The following SLC35F3 variants were observed in gnomAD, a reference collection of about 807,000 sequenced individuals.
SLC35F3 encodes solute carrier family 35 member F3, also known as putative thiamine transporter SLC35F3.
A neutral mutation model predicts 49.9 loss-of-function variants in SLC35F3; 25 were observed. The ratio of observed to expected loss-of-function variants is 0.50; its 90% CI spans 0.37 to 0.70. The LOEUF is 0.70. Among genes scored for constraint, SLC35F3 ranks in the 30% least tolerant of loss-of-function variants. SLC35F3 has a pLI of 0.00. For missense variants in SLC35F3, 525 were observed against 639.8 expected (o/e 0.82, Z 1.94); for synonymous variants, 275 against 265.4 (o/e 1.04, Z -0.35).
At chr1:234,163,391 G>T (rs972367138) in intron 2 of SLC35F3, among the ~76,000 whole-genome samples, 15 of 152,198 alleles carry the variant, frequency 9.9e-5, no homozygotes, top group South Asian at 2.1e-4. Flanking sequence ...GTTACACACA[G>T]AATGGGACAG....
chr1:234,143,308 G>A (rs1665949335), intron 2 of SLC35F3, among the ~76,000 whole-genome samples: 1 of 89,038 alleles, frequency 1.1e-5, no homozygotes, highest in Non-Finnish European at 2.0e-5. Context: ...TTTTTTTTGA[G>A]ATAAAGGCTC....
Position 234,046,743 on chromosome 1 carries a change from A to C in SLC35F3, c.283+140985A>C, listed in dbSNP as rs1405803673. ...ATTTCCTTTATGCATTTAGTTATTT[A>C]ATCCCTGAAATTTGTCTGTAATGAT... On this transcript the variant is annotated intron_variant, in intron 2 of 7. Transcript: ENST00000366618. The surrounding 1 kb of genome is among the most constrained non-coding windows in gnomAD (Gnocchi z 4.4). Among the ~76,000 whole-genome samples the C allele has an allele frequency of 2.0e-5, 3 of 152,186 alleles. No individual in the cohort carries two copies. Among genetic ancestry groups the C allele is most frequent in the African/African-American group, 7.2e-5 (3 of 41,454 alleles).
rs187290569 is a variant in SLC35F3, at chr1:233,951,180, G to A, written c.283+45422G>A. ...ATAGAGTCATGCACCATGTAACAATGTTTTGTTCCATGATGGACTGCATAT... is the reference window on the plus strand; with the variant it reads ...ATAGAGTCATGCACCATGTAACAATATTTTGTTCCATGATGGACTGCATAT... On this transcript the variant is annotated intron_variant, in intron 2 of 7. Transcript: ENST00000366618. Among the ~76,000 whole-genome samples, 301 of 151,482 alleles carry A rather than the reference G, an allele frequency of 2.0e-3. 3 individuals carry two copies. Among genetic ancestry groups the A allele is most frequent in the African/African-American group, 6.7e-3 (273 of 40,918 alleles).
intron 2 of SLC35F3, among the ~76,000 whole-genome samples, chr1:233,931,990 G>T (rs1278623140): frequency 6.6e-6 from 1 of 152,196 alleles, no homozygotes; most frequent in African/African-American, 2.4e-5. Context: ...CATGTCCTTT[G>T]CAGGGATATG....
intron 2 of SLC35F3, among the ~76,000 whole-genome samples, chr1:234,184,617 G>A (rs1481852529): frequency 6.6e-6 from 1 of 152,188 alleles, no homozygotes; most frequent in African/African-American, 2.4e-5. Flanking sequence ...GCCAGAGCAG[G>A]TGGGAGGAGT....
intron 2 of SLC35F3, among the ~76,000 whole-genome samples, chr1:233,926,129 A>C (rs1258554185): frequency 6.6e-6 from 1 of 152,026 alleles, no homozygotes; most frequent in Non-Finnish European, 1.5e-5. Context: ...GCTCTTCTCG[A>C]GGAGTATCTT....
intron 2 of SLC35F3, among the ~76,000 whole-genome samples, chr1:234,209,649 G>A (rs370759885): frequency 1.3e-5 from 2 of 152,210 alleles, no homozygotes; most frequent in South Asian, 2.1e-4. Context: ...ACACAACAGA[G>A]CAGACAGAGC....
chr1:234,032,998 C>G (rs145502071), intron 2 of SLC35F3, among the ~76,000 whole-genome samples: 1 of 152,048 alleles, frequency 6.6e-6, no homozygotes, highest in Non-Finnish European at 1.5e-5. Flanking sequence ...TAAAAGTGTT[C>G]CCTTTTCACC....
chr1:234,140,189 C>A (rs527554534), intron 2 of SLC35F3, among the ~76,000 whole-genome samples: 67 of 151,964 alleles, frequency 4.4e-4, no homozygotes, highest in African/African-American at 1.3e-3. Flanking sequence ...AATTTTAAAC[C>A]TATGAGCCGT....
intron 2 of SLC35F3, among the ~76,000 whole-genome samples, chr1:234,219,194 C>G (rs1667166410): frequency 6.6e-6 from 1 of 151,636 alleles, no homozygotes; most frequent in South Asian, 2.1e-4. Flanking sequence ...GTTGGGTGAT[C>G]TCAGCTGCCC....
Position 234,073,269 on chromosome 1 carries a change from A to G in SLC35F3, c.284-158148A>G, listed in dbSNP as rs138664165. ...AGCAATCCTCCCACCTCAGCTTCCC[A>G]TGTATGTGGAACTATAGCCATGAGC... On this transcript the variant is annotated intron_variant, in intron 2 of 7. Coordinates refer to ENST00000366618, the MANE Select transcript of SLC35F3 (RefSeq NM_173508.4). 5.5e-4 allele frequency among the ~76,000 whole-genome samples: 83 copies of G among 152,206 alleles called. 1 individual carries two copies. The East Asian group carries it at 0.012, about 22-fold the overall frequency.
chr1:234,316,787 C>G, intron 5 of SLC35F3, 60 bp downstream of exon 5: 2 of 1,558,426 alleles, frequency 1.3e-6, no homozygotes, highest in South Asian at 2.3e-5. Flanking sequence ...GCACAGCCGG[C>G]TTTAGATCGC....
intron 3 of SLC35F3, among the ~76,000 whole-genome samples, chr1:234,247,086 G>A (rs1667643740): frequency 6.6e-6 from 1 of 152,212 alleles, no homozygotes; most frequent in Non-Finnish European, 1.5e-5. Context: ...CAAACAGGTG[G>A]GAGCTTGAGC....
At chr1:234,097,584 A>T (rs985888845) in intron 2 of SLC35F3, among the ~76,000 whole-genome samples, 1 of 152,112 alleles carries the variant, frequency 6.6e-6, no homozygotes, top group Non-Finnish European at 1.5e-5. Context: ...TTTTTTTCTC[A>T]CTGCATACTG....
At chr1:233,912,244 C>T (rs1005496314) in intron 2 of SLC35F3, among the ~76,000 whole-genome samples, 1 of 152,130 alleles carries the variant, frequency 6.6e-6, no homozygotes, top group Non-Finnish European at 1.5e-5. Flanking sequence ...CTTTGGGAGG[C>T]CAAGGCGGGT....
Position 234,231,322 on chromosome 1 carries a change from G to A in SLC35F3, c.284-95G>A. 1.8e-6 allele frequency: 2 copies of A among 1,098,474 alleles called. No individual in the cohort carries two copies. Among genetic ancestry groups the A allele is most frequent in the Non-Finnish European group, 2.5e-6 (2 of 794,076 alleles). 68.0% of individuals were successfully genotyped at this position (1,098,474 alleles called of 1,614,324 possible). A position where few individuals can be genotyped will look rare whatever the true frequency, so the allele number is the denominator to read the frequency against. On this transcript the variant is annotated intron_variant, in intron 2 of 7. Transcript: ENST00000366618. This position sits in a 1 kb window ranked among gnomAD's most constrained non-coding sequence, Gnocchi z 5.4. ...ACCCGCTATCTCCCCGGGCCCCCAG[G>A]TAGCTGGTGGTGACAATGGCTGCAG...
chr1:233,940,840 C>A (rs1016820717), intron 2 of SLC35F3, among the ~76,000 whole-genome samples: 1 of 152,078 alleles, frequency 6.6e-6, no homozygotes, highest in African/African-American at 2.4e-5. Context: ...TTTAGACATG[C>A]AATTACTGGG....
At chr1:233,982,441 C>T (rs1489493485) in intron 2 of SLC35F3, among the ~76,000 whole-genome samples, 7 of 151,988 alleles carry the variant, frequency 4.6e-5, no homozygotes, top group Non-Finnish European at 7.4e-5. Flanking sequence ...ATGGCATGAC[C>T]TTGGCTCAGT....
chr1:234,128,302 G>T (rs529985919), intron 2 of SLC35F3, among the ~76,000 whole-genome samples: 5 of 152,304 alleles, frequency 3.3e-5, no homozygotes, highest in African/African-American at 1.2e-4. Flanking sequence ...TTTACCCTCT[G>T]CTGTCTCTGC....
Sources: allele counts gnomAD v4.1 joint callset (sites outside exome capture counted in the v4.1 genomes callset), GRCh38; gene constraint gnomAD v4.1.1; non-coding constraint Gnocchi (gnomAD v3.1); transcripts MANE v1.5; gene names NCBI Gene and HGNC (gene_info 2026-07-23, HGNC 2026-07-21).